The following LARGE1 variants were observed in gnomAD, a reference collection of about 807,000 sequenced individuals.
LARGE1 encodes LARGE xylosyl- and glucuronyltransferase 1, also known as xylosyl- and glucuronyltransferase LARGE1.
In LARGE1, 43 loss-of-function variants were observed where a neutral mutation model predicts 87.6. That is an observed-to-expected ratio of 0.49 (90% CI 0.38 to 0.63). LARGE1 has a LOEUF of 0.63. LARGE1 is among the 30% of genes least tolerant of loss of function. The pLI, the probability that LARGE1 is intolerant of heterozygous loss-of-function variation, is 0.00. For synonymous variants in LARGE1, 434 were observed against 394.6 expected, an observed-to-expected ratio of 1.10 and a Z score of -1.18; for missense variants, 802 against 1,000.2, an observed-to-expected ratio of 0.80 and a Z score of 2.67.
At chr22:33,821,093 A>G (rs1386244496) in intron 1 of LARGE1, among the ~76,000 whole-genome samples, 3 of 152,158 alleles carry the variant, frequency 2.0e-5, no homozygotes, top group Non-Finnish European at 4.4e-5. Flanking sequence ...GAACAAACAA[A>G]TATCTCTGTC....
intron 11 of LARGE1, among the ~76,000 whole-genome samples, chr22:33,176,801 T>G (rs912849090): frequency 1.6e-4 from 25 of 152,338 alleles, no homozygotes; most frequent in African/African-American, 5.8e-4. Context: ...GCAATCTCAT[T>G]ACTGGATATA....
At chr22:33,594,865 C>G (rs1368988759) in intron 5 of LARGE1, among the ~76,000 whole-genome samples, 1 of 152,154 alleles carries the variant, frequency 6.6e-6, no homozygotes, top group African/African-American at 2.4e-5. Flanking sequence ...CCTCAGCCTC[C>G]CAAAGTGCTG....
chr22:33,319,691 C>T (rs781165841), intron 10 of LARGE1, among the ~76,000 whole-genome samples: 1 of 152,136 alleles, frequency 6.6e-6, no homozygotes, highest in African/African-American at 2.4e-5. Context: ...CTACCGCGCC[C>T]GGCCAATAAA....
At chr22:33,638,940 T>C (rs2080350328) in intron 3 of LARGE1, among the ~76,000 whole-genome samples, 1 of 152,212 alleles carries the variant, frequency 6.6e-6, no homozygotes, top group African/African-American at 2.4e-5. Flanking sequence ...ACAATATCCA[T>C]TGTGGCAGTT....
intron 6 of LARGE1, among the ~76,000 whole-genome samples, chr22:33,508,631 T>C (rs1314961649): frequency 1.3e-5 from 2 of 152,172 alleles, no homozygotes; most frequent in Non-Finnish European, 2.9e-5. Context: ...CTGGAGAAAG[T>C]TACAACGTAC....
intron 1 of LARGE1, among the ~76,000 whole-genome samples, chr22:33,761,987 C>T (rs777922795): frequency 5.3e-5 from 8 of 151,950 alleles, no homozygotes; most frequent in Middle Eastern, 3.4e-3. Flanking sequence ...GAGGCCGAGA[C>T]GAGTGGATAA....
At chr22:33,108,279 T>C in the LARGE1 span, among the ~76,000 whole-genome samples, 4 of 152,176 alleles carry the variant, frequency 2.6e-5, no homozygotes, top group Non-Finnish European at 4.4e-5. Context: ...TATCAAGCAC[T>C]GGAGAAAGAA....
the LARGE1 span, among the ~76,000 whole-genome samples, chr22:33,106,613 A>G: frequency 6.6e-6 from 1 of 151,808 alleles, no homozygotes; most frequent in African/African-American, 2.4e-5. Flanking sequence ...CTCCTGCCTC[A>G]GCCTCCGGAG....
chr22:33,520,152 G>A (rs1280039675), intron 6 of LARGE1, among the ~76,000 whole-genome samples: 3 of 151,890 alleles, frequency 2.0e-5, no homozygotes, highest in Non-Finnish European at 4.4e-5. Flanking sequence ...CTACAGGCCT[G>A]TGCTGCCACG....
At chr22:33,297,133 C>G (rs1405914087) in intron 12 of LARGE1, among the ~76,000 whole-genome samples, 1 of 152,186 alleles carries the variant, frequency 6.6e-6, no homozygotes, top group Admixed American at 6.5e-5. Flanking sequence ...GCCACCTCTA[C>G]CTGGCTTTGT....
intron 2 of LARGE1, among the ~76,000 whole-genome samples, chr22:33,744,888 G>T (rs1003914002): frequency 2.6e-5 from 4 of 152,220 alleles, no homozygotes; most frequent in Non-Finnish European, 5.9e-5. Flanking sequence ...TTGGGACCTA[G>T]GGCAAGTTTC....
chr22:33,368,013 G>C (rs1028043820), intron 9 of LARGE1, among the ~76,000 whole-genome samples: 1 of 151,864 alleles, frequency 6.6e-6, no homozygotes, highest in African/African-American at 2.4e-5. Context: ...ATTTAATTTT[G>C]CTTTCTTCAG....
In LARGE1 at chr22:33,225,078, T is replaced by C. The variant is rs139598522; in HGVS notation, c.1731-58246A>G. On this transcript the variant is annotated intron_variant, in intron 11 of 11. Coordinates refer to the LARGE1 transcript ENST00000608642. ...GGCATGGGCTGTCAGGGATGTCAAATGGCTCATTGAGAAAGCCTCTGCTCA... is the reference window on the plus strand; with the variant it reads ...GGCATGGGCTGTCAGGGATGTCAAACGGCTCATTGAGAAAGCCTCTGCTCA... 2.6e-3 allele frequency among the ~76,000 whole-genome samples: 400 copies of C among 152,306 alleles called. 3 individuals are homozygous for C. Among genetic ancestry groups the C allele is most frequent in the African/African-American group, 8.2e-3 (342 of 41,582 alleles).
At chr22:33,610,191 T>C (rs1257074247) in intron 4 of LARGE1, among the ~76,000 whole-genome samples, 1 of 152,206 alleles carries the variant, frequency 6.6e-6, no homozygotes, top group Non-Finnish European at 1.5e-5. Flanking sequence ...TATGAAAATA[T>C]GGAGGCAACT....
chr22:33,799,466 G>A (rs1450909790), intron 1 of LARGE1, among the ~76,000 whole-genome samples: 1 of 151,824 alleles, frequency 6.6e-6, no homozygotes, highest in Non-Finnish European at 1.5e-5. Context: ...TTGAGAAGTT[G>A]TTTTGCTCTT....
At chr22:33,633,386 C>T (rs1286032628) in intron 3 of LARGE1, among the ~76,000 whole-genome samples, 3 of 152,204 alleles carry the variant, frequency 2.0e-5, no homozygotes, top group African/African-American at 4.8e-5. Context: ...GGACTTGTGA[C>T]TCTTTGCTTG....
rs746767821 is a variant in LARGE1, at chr22:33,650,442, G to A, written c.333C>T (p.Ser111=). 13 of 1,613,978 alleles carry A rather than the reference G, an allele frequency of 8.1e-6. No individual in the cohort carries two copies. The Admixed American group carries it at 1.8e-4, about 23-fold the overall frequency. The change falls in exon 3 of 15, where the codon AGC becomes AGT. Residue 111 remains serine (S), a synonymous_variant. Transcript: ENST00000397394. ...CCACGATGCCAGCCCGAAGGTTCTCGCTGTCTCCAGTGCCCTCCTCCATGG... is the reference window on the plus strand; with the variant it reads ...CCACGATGCCAGCCCGAAGGTTCTCACTGTCTCCAGTGCCCTCCTCCATGG... ...TYSMEEGTGD[S]ENLRAGIVAG...
At chr22:33,233,280 GTGATGA>G (rs753881587) in intron 11 of LARGE1, among the ~76,000 whole-genome samples, 1 of 149,412 alleles carries the variant, frequency 6.7e-6, no homozygotes, top group Non-Finnish European at 1.5e-5. Context: ...GGTGGTGTTA[GTGATGA>G]TGATGATGAT....
At chr22:33,344,904 G>A (rs1200591848) in intron 9 of LARGE1, among the ~76,000 whole-genome samples, 1 of 152,086 alleles carries the variant, frequency 6.6e-6, no homozygotes, top group Non-Finnish European at 1.5e-5. Context: ...TTGGGGGCAG[G>A]AAAAGCTGGT....
Sources: allele counts gnomAD v4.1 joint callset (sites outside exome capture counted in the v4.1 genomes callset), GRCh38; gene constraint gnomAD v4.1.1; transcripts MANE v1.5; gene names NCBI Gene and HGNC (gene_info 2026-07-23, HGNC 2026-07-21).